The following ARL5A variants were observed in gnomAD, a reference collection of about 807,000 sequenced individuals.
ARL5A encodes the protein ARF like GTPase 5A, also known as ADP-ribosylation factor-like protein 5A.
Under a neutral mutation model 25.9 loss-of-function variants are expected in ARL5A, and 18 were observed. That is an observed-to-expected ratio of 0.69 (90% confidence interval 0.48 to 1.03). The LOEUF (loss-of-function observed/expected upper bound fraction) is 1.03, where lower values mean the gene tolerates loss of function less well. Among genes scored for constraint, ARL5A ranks in the 50% least tolerant of loss-of-function variants. ARL5A has a pLI of 0.00. For missense variants in ARL5A, 170 were observed against 211.9 expected, an observed-to-expected ratio of 0.80 and a Z score of 1.23; for synonymous variants, 61 against 67.5, an observed-to-expected ratio of 0.90 and a Z score of 0.47.
rs2099829335 is a variant in ARL5A at position 151,800,917 on chromosome 2, TAAA to T, written c.*2356_*2358del. 6.6e-6 allele frequency: 1 copy of T among 152,598 alleles called. No individual in the cohort carries two copies. The highest frequency in any genetic ancestry group is 2.1e-4 in the South Asian group (1 of 4,832). The allele number at this position is 152,598 out of a possible 1,614,324, so 9.5% of individuals were successfully genotyped here. A position where few individuals can be genotyped will look rare whatever the true frequency, so the allele number is the denominator to read the frequency against. On this transcript the variant is annotated 3_prime_UTR_variant, in exon 6 of 6. Coordinates refer to ENST00000295087, the MANE Select transcript of ARL5A (RefSeq NM_012097.4). ...ATGTTTTCACTCAGAAGTGGCATAT[TAAA>T]AACCCAAAAGCATCTCCCTCTGCTT...
At chr2:151,824,303 T>G (rs1389900401) in intron 1 of ARL5A, among the ~76,000 whole-genome samples, 1 of 152,232 alleles carries the variant, frequency 6.6e-6, no homozygotes, top group East Asian at 1.9e-4. Context: ...AGCCATGGTT[T>G]TCAGTAAGTC....
chr2:151,812,437 C>A lies in ARL5A; in HGVS notation c.259G>T (p.Val87Leu). 1 of 1,567,636 alleles carries A rather than the reference C, an allele frequency of 6.4e-7. No homozygotes were observed. Among genetic ancestry groups the A allele is most frequent in the Non-Finnish European group, 8.6e-7 (1 of 1,160,358 alleles). The change falls in exon 4 of 6, where the codon GTA becomes TTA. Residue 87 changes from valine (V) to leucine (L), a missense_variant. Physicochemically the swap from Val to Leu is conservative, Grantham distance 32. Transcript: ENST00000295087. ...TCTGTACTGTCCACAACAACTATTACAAACTAAAATAATTACAAAAAAATT... is the reference window on the plus strand; with the variant it reads ...TCTGTACTGTCCACAACAACTATTAAAAACTAAAATAATTACAAAAAAATT... ...WNTYYTNTEFVIVVVDSTDRE... is the reference protein window; with the variant it reads ...WNTYYTNTEFLIVVVDSTDRE...
intron 4 of ARL5A, among the ~76,000 whole-genome samples, chr2:151,812,026 C>A (rs1388753949): frequency 1.3e-5 from 2 of 152,204 alleles, no homozygotes; most frequent in African/African-American, 2.4e-5. Flanking sequence ...TTTAAAATCT[C>A]ATTTCCAATG....
At position 151,801,896 on chromosome 2, in the gene ARL5A, T is replaced by C. The variant is rs2099829465; in HGVS notation, c.*1380A>G. On this transcript the variant is annotated 3_prime_UTR_variant, in exon 6 of 6. Coordinates refer to ENST00000295087, the MANE Select transcript of ARL5A (RefSeq NM_012097.4). ...AGAATATGTTTTAACACATTTAGGA[T>C]AAGTTTGTTTACAGTTGTGACAGGA... 1 of 152,076 alleles carries C rather than the reference T, an allele frequency of 6.6e-6. No homozygotes were observed. Among genetic ancestry groups the C allele is most frequent in the Non-Finnish European group, 1.5e-5 (1 of 67,958 alleles). The allele number at this position is 152,076 out of a possible 1,614,324, so 9.4% of individuals were successfully genotyped here. A position where few individuals can be genotyped will look rare whatever the true frequency, so the allele number is the denominator to read the frequency against.
intron 4 of ARL5A, among the ~76,000 whole-genome samples, chr2:151,809,630 T>G (rs974402313): frequency 4.6e-5 from 7 of 152,226 alleles, no homozygotes; most frequent in Non-Finnish European, 1.0e-4. Context: ...AACGGTGATC[T>G]TTTGTACATA....
At chr2:151,828,064 AC>A in intron 1 of ARL5A, 66 bp downstream of exon 1, 2 of 1,510,934 alleles carry the variant, frequency 1.3e-6, no homozygotes, top group South Asian at 2.3e-5. Flanking sequence ...GTATTCGGAG[AC>A]CCCCACCTAG....
At chr2:151,815,334 G>T in intron 1 of ARL5A, 135 bp from the exon 2 acceptor site, 2 of 652,332 alleles carry the variant, frequency 3.1e-6, no homozygotes, top group Non-Finnish European at 2.6e-6. Context: ...TACTTTCTCA[G>T]AAGTCAAAAG....
chr2:151,820,830 G>A (rs918209917), intron 1 of ARL5A, among the ~76,000 whole-genome samples: 1 of 152,052 alleles, frequency 6.6e-6, no homozygotes, highest in Non-Finnish European at 1.5e-5. Context: ...AAGAATGTCC[G>A]GAAGTCCTAG....
intron 5 of ARL5A, among the ~76,000 whole-genome samples, chr2:151,805,239 A>G (rs1019853945): frequency 2.0e-5 from 3 of 151,954 alleles, no homozygotes; most frequent in Non-Finnish European, 4.4e-5. Context: ...TAATTAAAAA[A>G]CCTTTTTTAA....
chr2:151,825,817 T>C (rs2099832977), intron 1 of ARL5A, among the ~76,000 whole-genome samples: 2 of 148,850 alleles, frequency 1.3e-5, no homozygotes, highest in Middle Eastern at 3.5e-3. Flanking sequence ...ATATATGTCC[T>C]ATACAGAAAA....
chr2:151,803,652 C>T (rs950284147), intron 5 of ARL5A, among the ~76,000 whole-genome samples: 1 of 152,154 alleles, frequency 6.6e-6, no homozygotes, highest in South Asian at 2.1e-4. Flanking sequence ...GGACTACAGG[C>T]GTGTGCCACC....
At chr2:151,828,051 G>A in intron 1 of ARL5A, 80 bp downstream of exon 1, 1 of 1,481,864 alleles carries the variant, frequency 6.7e-7, no homozygotes, top group Non-Finnish European at 9.3e-7. Context: ...CCCACATTCC[G>A]AAGTATTCGG....
Position 151,828,344 on chromosome 2 carries a change from G to T in ARL5A, c.-168C>A, listed in dbSNP as rs1578386493. 1.9e-6 allele frequency: 1 copy of T among 534,576 alleles called. No homozygotes were observed. Among genetic ancestry groups the T allele is most frequent in the Non-Finnish European group, 3.2e-6 (1 of 316,372 alleles). 33.1% of individuals were successfully genotyped at this position (534,576 alleles called of 1,614,324 possible). On this transcript the variant is annotated 5_prime_UTR_variant, in exon 1 of 6. Transcript: ENST00000295087. ...CCGGAGGGAGGCCGAAGCCCAGGCC[G>T]CCCTGCCGCGCGCAAGGCCCCGCCG...
At chr2:151,820,280 C>T (rs1052560891) in intron 1 of ARL5A, among the ~76,000 whole-genome samples, 6 of 152,142 alleles carry the variant, frequency 3.9e-5, no homozygotes, top group Non-Finnish European at 2.9e-5. Context: ...AGGATTTAAA[C>T]TGCTTTAAAT....
Position 151,828,299 on chromosome 2 carries a change from G to C in ARL5A, c.-123C>G, listed in dbSNP as rs1448382610. 1.1e-6 allele frequency: 1 copy of C among 875,482 alleles called. No homozygotes were observed. Among genetic ancestry groups the C allele is most frequent in the African/African-American group, 1.8e-5 (1 of 55,638 alleles). The allele number at this position is 875,482 out of a possible 1,614,324, so 54.2% of individuals were successfully genotyped here. A position where few individuals can be genotyped will look rare whatever the true frequency, so the allele number is the denominator to read the frequency against. Reference sequence around the variant, plus strand: ...CTCTGCTGCTGCTCCCGCGCTGGTCGCGGGCCCGCTTCCAGGGAACCGGAG... The same window carrying C: ...CTCTGCTGCTGCTCCCGCGCTGGTCCCGGGCCCGCTTCCAGGGAACCGGAG... On this transcript the variant is annotated 5_prime_UTR_variant, in exon 1 of 6. Coordinates refer to ENST00000295087, the MANE Select transcript of ARL5A (RefSeq NM_012097.4).
chr2:151,813,689 T>A (rs2099831141), intron 3 of ARL5A, among the ~76,000 whole-genome samples: 1 of 152,286 alleles, frequency 6.6e-6, no homozygotes, highest in South Asian at 2.1e-4. Context: ...GGTCTGAAAT[T>A]TCCTTTGGGA....
At chr2:151,816,846 G>A (rs955120107) in intron 1 of ARL5A, among the ~76,000 whole-genome samples, 13 of 152,152 alleles carry the variant, frequency 8.5e-5, no homozygotes, top group African/African-American at 2.7e-4. Context: ...TCAATAACGA[G>A]GGTAAACAAC....
chr2:151,812,881 A>G (rs1172020011), intron 3 of ARL5A, among the ~76,000 whole-genome samples: 1 of 151,758 alleles, frequency 6.6e-6, no homozygotes, highest in South Asian at 2.1e-4. Flanking sequence ...GAAATCAATT[A>G]AAAAAAAATT....
At chr2:151,803,410 A>T in intron 5 of ARL5A, 86 bp from the exon 6 acceptor site, 1 of 922,182 alleles carries the variant, frequency 1.1e-6, no homozygotes, top group Non-Finnish European at 1.8e-6. Context: ...AAAAGAGAGC[A>T]TTTTTCATTT....
Sources: gnomAD v4.1 joint callset for allele counts (sites outside exome capture counted in the v4.1 genomes callset) on GRCh38, gnomAD v4.1.1 for gene constraint, MANE v1.5 for transcripts, NCBI Gene and HGNC (gene_info 2026-07-23, HGNC 2026-07-21) for gene names.